Variants in GRIN2B observed in about 807,000 individuals in gnomAD.
GRIN2B encodes the protein glutamate receptor ionotropic, NMDA 2B.
In GRIN2B, 5 loss-of-function variants were observed where a neutral mutation model predicts 114.5. The observed-to-expected ratio is 0.04, with a 90% CI of 0.02 to 0.09. The LOEUF (loss-of-function observed/expected upper bound fraction) is 0.09, where lower values mean the gene tolerates loss of function less well. Ranked by LOEUF, GRIN2B falls within the 10% of genes least tolerant of loss-of-function variation. The pLI, the probability that GRIN2B is intolerant of heterozygous loss-of-function variation, is 1.00. For missense variants in GRIN2B, 1,108 were observed against 1,943.5 expected, an observed-to-expected ratio of 0.57 and a Z score of 8.08; for synonymous variants, 787 against 745.1, an observed-to-expected ratio of 1.06 and a Z score of -0.92.
At chr12:13,691,702 A>C (rs1950216370) in intron 4 of GRIN2B, among the ~76,000 whole-genome samples, 1 of 152,194 alleles carries the variant, frequency 6.6e-6, no homozygotes, top group Non-Finnish European at 1.5e-5. Flanking sequence ...GAAGAGATAG[A>C]AATGTGAGAG....
At chr12:13,933,088 T>C (rs777627817) in intron 2 of GRIN2B, among the ~76,000 whole-genome samples, 20 of 152,136 alleles carry the variant, frequency 1.3e-4, no homozygotes, top group African/African-American at 4.6e-4. Context: ...CCCTGAGGCA[T>C]GTTTCCTTTC....
intron 4 of GRIN2B, among the ~76,000 whole-genome samples, chr12:13,701,487 T>G (rs1207117972): frequency 6.8e-6 from 1 of 146,858 alleles, no homozygotes; most frequent in Admixed American, 7.0e-5. Flanking sequence ...AACTATTATG[T>G]GTGAAGCACT....
At chr12:13,815,901 G>A (rs1591748109) in intron 3 of GRIN2B, among the ~76,000 whole-genome samples, 2 of 152,088 alleles carry the variant, frequency 1.3e-5, no homozygotes, top group East Asian at 1.9e-4. Flanking sequence ...ACACAAGTAG[G>A]TGATAACTGT....
chr12:13,970,179 G>A (rs1867851666), intron 2 of GRIN2B, among the ~76,000 whole-genome samples: 1 of 152,164 alleles, frequency 6.6e-6, no homozygotes, highest in African/African-American at 2.4e-5. Flanking sequence ...TTTGAGATGA[G>A]CCTTGAGGAA....
In GRIN2B at chr12:13,758,376, G is replaced by C. The variant is rs187375112; in HGVS notation, c.412-4461C>G. On this transcript the variant is annotated intron_variant, in intron 3 of 13. Coordinates refer to ENST00000609686, the MANE Select transcript of GRIN2B (RefSeq NM_000834.5). ...ATTTCCCCCTTTTCAACACCAAAAAGAAATTGCTTCAAAGAGAACATATCT... is the reference window on the plus strand; with the variant it reads ...ATTTCCCCCTTTTCAACACCAAAAACAAATTGCTTCAAAGAGAACATATCT... Among the ~76,000 whole-genome samples the C allele has an allele frequency of 3.9e-5, 6 of 152,162 alleles. No homozygotes were observed. The East Asian group carries it at 1.2e-3, about 29-fold the overall frequency.
chr12:13,866,524 C>A (rs998826666), intron 2 of GRIN2B, among the ~76,000 whole-genome samples: 4 of 152,158 alleles, frequency 2.6e-5, no homozygotes, highest in African/African-American at 9.6e-5. Flanking sequence ...TCCAGGTAGC[C>A]ATGCGAGTAT....
In GRIN2B at chr12:13,849,435, C is replaced by T. The variant is rs538053249; in HGVS notation, c.411+16363G>A. On this transcript the variant is annotated intron_variant, in intron 3 of 13. Coordinates refer to ENST00000609686, the MANE Select transcript of GRIN2B (RefSeq NM_000834.5). ...GGAATTGTTGCACTCACACTTCCTG[C>T]CCCAATTCCTCTCTTCCTGGGCTCT... 2.5e-4 allele frequency among the ~76,000 whole-genome samples: 38 copies of T among 152,210 alleles called. No individual in the cohort carries two copies. The South Asian group carries it at 7.5e-3, about 30-fold the overall frequency.
intron 4 of GRIN2B, among the ~76,000 whole-genome samples, chr12:13,691,847 A>G (rs1174477472): frequency 1.3e-5 from 2 of 152,210 alleles, no homozygotes; most frequent in East Asian, 1.9e-4. Context: ...CCAAGCAAGT[A>G]GGTGTTGGTG....
At chr12:13,773,937 C>T (rs1863954070) in intron 3 of GRIN2B, among the ~76,000 whole-genome samples, 1 of 152,142 alleles carries the variant, frequency 6.6e-6, no homozygotes, top group African/African-American at 2.4e-5. Context: ...AGCAAATGAA[C>T]TAACTTAAAA....
intron 3 of GRIN2B, among the ~76,000 whole-genome samples, chr12:13,794,827 G>A (rs1483282490): frequency 3.3e-5 from 5 of 152,356 alleles, no homozygotes; most frequent in South Asian, 2.1e-4. Context: ...CCCAGGAGGT[G>A]ATCAGTGAGT....
chr12:13,927,191 G>A (rs1178800444), intron 2 of GRIN2B, among the ~76,000 whole-genome samples: 1 of 152,114 alleles, frequency 6.6e-6, no homozygotes, highest in Non-Finnish European at 1.5e-5. Context: ...AGATATGATA[G>A]CGATACAAGA....
chr12:13,768,324 A>G (rs1403437612), intron 3 of GRIN2B, among the ~76,000 whole-genome samples: 1 of 152,206 alleles, frequency 6.6e-6, no homozygotes, highest in Non-Finnish European at 1.5e-5. Context: ...ATGAGCCAGA[A>G]CCATCAGATC....
chr12:13,827,141 C>CT (rs1865053259), intron 3 of GRIN2B, among the ~76,000 whole-genome samples: 1 of 142,824 alleles, frequency 7.0e-6, no homozygotes, highest in Non-Finnish European at 1.5e-5. Context: ...TATTATATGT[C>CT]TTTTTTTCCC....
At chr12:13,850,100 A>G (rs532402944) in intron 3 of GRIN2B, among the ~76,000 whole-genome samples, 1 of 152,280 alleles carries the variant, frequency 6.6e-6, no homozygotes, top group East Asian at 1.9e-4. Context: ...CAACACCAAC[A>G]CTGACTGGTA....
chr12:13,564,162 C>T lies in GRIN2B; in HGVS notation c.3076G>A (p.Gly1026Ser), dbSNP rs201963596. 2.6e-4 allele frequency: 425 copies of T among 1,614,052 alleles called. No individual in the cohort carries two copies. The highest frequency in any genetic ancestry group is 4.2e-4 in the South Asian group (38 of 91,074). The change falls in exon 14 of 14, where the codon GGC (glycine) becomes AGC (serine). Residue 1026 changes from glycine to serine, a missense_variant. Gly to Ser is a moderately conservative substitution (Grantham distance 56). Coordinates refer to ENST00000609686, the MANE Select transcript of GRIN2B (RefSeq NM_000834.5). The surrounding 1 kb of genome is among the most constrained non-coding windows in gnomAD (Gnocchi z 4.8). ...RSISKKPLDI[G>S]LPSSKHSQLS... The stretch of plus-strand genomic sequence containing the variant: ...TGGCTGTGCTTGGAGGAGGGGAGGC[C>T]GATGTCCAGGGGCTTCTTGCTGATG...
rs1391387237 is a variant in GRIN2B at position 13,547,610 on chromosome 12, C to T, written c.*15173G>A. On this transcript the variant is annotated 3_prime_UTR_variant, in exon 14 of 14. Coordinates refer to ENST00000609686, the MANE Select transcript of GRIN2B (RefSeq NM_000834.5). The stretch of plus-strand genomic sequence containing the variant: ...AAGGAAAGGAGAAAACAATAATTGG[C>T]CTAGGAGATGGGAGTTTTGTTCTTG... 1 of 152,076 alleles carries T rather than the reference C, an allele frequency of 6.6e-6. No individual in the cohort carries two copies. Among genetic ancestry groups the T allele is most frequent in the Admixed American group, 6.5e-5 (1 of 15,270 alleles). 9.4% of individuals were successfully genotyped at this position (152,076 alleles called of 1,614,324 possible). A position where few individuals can be genotyped will look rare whatever the true frequency, so the allele number is the denominator to read the frequency against.
At chr12:13,658,564 A>G (rs745466078) in intron 5 of GRIN2B, among the ~76,000 whole-genome samples, 8 of 152,120 alleles carry the variant, frequency 5.3e-5, no homozygotes, top group Non-Finnish European at 8.8e-5. Flanking sequence ...TAAGCGGCCA[A>G]TAATTCAGCT....
chr12:13,564,572 G>A lies in GRIN2B; in HGVS notation c.2666C>T (p.Ala889Val), dbSNP rs1217012951. 1 of 1,613,974 alleles carries A rather than the reference G, an allele frequency of 6.2e-7. No homozygotes were observed. Among genetic ancestry groups the A allele is most frequent in the Non-Finnish European group, 8.5e-7 (1 of 1,179,990 alleles). ...GTTGGAGTGTGTGTTGTTCATGGTT[G>A]CGGTGGGGGAGTTCATTACAGACTG... ...ERQSVMNSPT[A>V]TMNNTHSNIL... Residue 889 changes from alanine (A) to valine (V), a missense_variant, in exon 14 of 14, where the codon GCA becomes GTA. Ala to Val is a moderately conservative substitution (Grantham distance 64, BLOSUM62 0). This residue lies in a region of GRIN2B where 27 missense variants were observed against 51.7 expected (regional missense o/e 0.52). Coordinates refer to ENST00000609686, the MANE Select transcript of GRIN2B (RefSeq NM_000834.5). This position sits in a 1 kb window ranked among gnomAD's most constrained non-coding sequence, Gnocchi z 4.8.
chr12:13,764,958 A>G (rs1166111450), intron 3 of GRIN2B, among the ~76,000 whole-genome samples: 1 of 152,236 alleles, frequency 6.6e-6, no homozygotes, highest in Non-Finnish European at 1.5e-5. Flanking sequence ...CTGCCTATAA[A>G]TGAATCATCC....
Sources: allele counts gnomAD v4.1 joint callset (sites outside exome capture counted in the v4.1 genomes callset), GRCh38; gene constraint gnomAD v4.1.1; regional missense constraint gnomAD v4.1.1; non-coding constraint Gnocchi (gnomAD v3.1); transcripts MANE v1.5; gene names NCBI Gene and HGNC (gene_info 2026-07-23, HGNC 2026-07-21).